DNAH12: variants seen among roughly 807,000 people sequenced by gnomAD.
DNAH12 encodes the protein dynein axonemal heavy chain 12, also known as axonemal beta dynein heavy chain 12.
A neutral mutation model predicts 371.5 loss-of-function variants in DNAH12; 285 were observed. That is an observed-to-expected ratio of 0.77 (90% confidence interval 0.70 to 0.85). DNAH12 has a LOEUF of 0.85. Among genes scored for constraint, DNAH12 ranks in the 40% least tolerant of loss-of-function variants. DNAH12 has a pLI of 0.00. For synonymous variants in DNAH12, 1,200 were observed against 1,213.0 expected (o/e 0.99, Z 0.22); for missense variants, 3,611 against 3,689.4 (o/e 0.98, Z 0.55).
At chr3:57,425,903 A>G (rs191168027) in intron 34 of DNAH12, among the ~76,000 whole-genome samples, 13 of 152,320 alleles carry the variant, frequency 8.5e-5, no homozygotes, top group Non-Finnish European at 1.9e-4. Flanking sequence ...TAAATAGACA[A>G]AAATAATATG....
chr3:57,366,965 T>G (rs2063064083), intron 56 of DNAH12, 44 bp from the exon 57 acceptor site: 1 of 152,244 alleles, frequency 6.6e-6, no homozygotes, highest in Non-Finnish European at 1.5e-5. Flanking sequence ...GCTAGTTACA[T>G]AGCCCCTCAT....
intron 4 of DNAH12, among the ~76,000 whole-genome samples, chr3:57,511,604 G>T (rs116391249): frequency 0.023 from 3,553 of 152,128 alleles, 64 homozygotes; most frequent in Middle Eastern, 0.034. Context: ...AGTTCATGTG[G>T]AAAAATAAAC....
chr3:57,336,241 T>C (rs1178228864), intron 60 of DNAH12, among the ~76,000 whole-genome samples: 2 of 152,174 alleles, frequency 1.3e-5, no homozygotes, highest in African/African-American at 4.8e-5. Context: ...ATGTCCAGCA[T>C]TTACCAATAT....
chr3:57,506,524 C>T (rs935432521), intron 8 of DNAH12, among the ~76,000 whole-genome samples: 3 of 152,124 alleles, frequency 2.0e-5, no homozygotes, highest in East Asian at 1.9e-4. Flanking sequence ...TCACCACAAC[C>T]TCCGCCTCTC....
the DNAH12 span, among the ~76,000 whole-genome samples, chr3:57,553,941 C>T: frequency 4.0e-4 from 60 of 151,292 alleles, 2 homozygotes; most frequent in East Asian, 9.4e-3. Flanking sequence ...TGTCCTGCCT[C>T]GGCCTCCTGA....
intron 4 of DNAH12, among the ~76,000 whole-genome samples, chr3:57,522,605 A>C (rs1164985299): frequency 3.3e-5 from 5 of 152,196 alleles, no homozygotes; most frequent in Non-Finnish European, 7.3e-5. Context: ...TTTCTTCCAA[A>C]TATCCTGAAT....
intron 30 of DNAH12, 81 bp downstream of exon 30, chr3:57,436,869 CA>C (rs1382006805): frequency 9.7e-7 from 1 of 1,032,446 alleles, no homozygotes; most frequent in Non-Finnish European, 1.3e-6. Context: ...ATCAGTTTGC[CA>C]AGTCTTTGGT....
rs1025856370 is a variant in DNAH12 at position 57,462,510 on chromosome 3, C to T, written c.2535+180G>A. ...CAGGTGATCCACATGTCTCGGCCTCCCACAGTGCTAGGATTACAGATGTGA... is the reference window on the plus strand; with the variant it reads ...CAGGTGATCCACATGTCTCGGCCTCTCACAGTGCTAGGATTACAGATGTGA... On this transcript the variant is annotated intron_variant, in intron 18 of 73. Coordinates refer to ENST00000495027, the MANE Select transcript of DNAH12 (RefSeq NM_001366028.2). Among the ~76,000 whole-genome samples, 8 of 152,082 alleles carry T rather than the reference C, an allele frequency of 5.3e-5. No homozygotes were observed. The East Asian group carries it at 1.5e-3, about 29-fold the overall frequency.
At chr3:57,521,335 A>G (rs2068433168) in intron 4 of DNAH12, among the ~76,000 whole-genome samples, 1 of 151,808 alleles carries the variant, frequency 6.6e-6, no homozygotes, top group Non-Finnish European at 1.5e-5. Flanking sequence ...TTCATTGAAA[A>G]GACTATTCTT....
intron 43 of DNAH12, among the ~76,000 whole-genome samples, chr3:57,397,426 A>C (rs1404698317): frequency 1.3e-5 from 2 of 152,192 alleles, no homozygotes; most frequent in African/African-American, 4.8e-5. Flanking sequence ...CTCCTTCCTC[A>C]GGACAGAAGA....
At chr3:57,370,352 G>C (rs917580058) in intron 55 of DNAH12, among the ~76,000 whole-genome samples, 3 of 152,174 alleles carry the variant, frequency 2.0e-5, no homozygotes, top group Admixed American at 6.5e-5. Context: ...GCACTTATGT[G>C]CTAAGTGCTT....
intron 49 of DNAH12, among the ~76,000 whole-genome samples, chr3:57,382,638 A>T (rs2063417722): frequency 6.6e-6 from 1 of 152,142 alleles, no homozygotes; most frequent in Admixed American, 6.6e-5. Context: ...ATGAGAATAT[A>T]ATGGCAGCTA....
At chr3:57,444,869 C>A in intron 28 of DNAH12, 53 bp from the exon 29 acceptor site, 1 of 1,517,502 alleles carries the variant, frequency 6.6e-7, no homozygotes, top group Non-Finnish European at 8.8e-7. Context: ...AATTGCAACC[C>A]CACTTCTCCC....
intron 25 of DNAH12, among the ~76,000 whole-genome samples, chr3:57,448,260 G>GAT (rs2065595856): frequency 6.6e-6 from 1 of 152,098 alleles, no homozygotes; most frequent in Admixed American, 6.5e-5. Flanking sequence ...TCTTCCTTCT[G>GAT]GTGGGTTCGT....
In DNAH12 at chr3:57,405,746, T is replaced by C. The variant is rs2064004711; in HGVS notation, c.6483A>G (p.Arg2161=). ...CAGTTTTAGTTAACTGGAACAGCCATCTTCGATCATCATCATTAATGAGGC... is the reference window on the plus strand; with the variant it reads ...CAGTTTTAGTTAACTGGAACAGCCACCTTCGATCATCATCATTAATGAGGC... ...YDRLINDDDR[R]WLFQLTKTVI... Residue 2161 remains arginine, a synonymous_variant, in exon 41 of 74, where the codon AGA becomes AGG. Transcript: ENST00000495027. 4 of 1,551,576 alleles carry C rather than the reference T, an allele frequency of 2.6e-6. No individual in the cohort carries two copies. The highest frequency in any genetic ancestry group is 1.4e-5 in the African/African-American group (1 of 73,042).
chr3:57,488,163 G>T (rs367985994), intron 12 of DNAH12, among the ~76,000 whole-genome samples: 1 of 151,928 alleles, frequency 6.6e-6, no homozygotes. Flanking sequence ...TTAGTCCTGC[G>T]AGGAAGGTAC....
At chr3:57,504,356 G>GTATA in intron 8 of DNAH12, 152 bp from the exon 9 acceptor site, 1 of 642,460 alleles carries the variant, frequency 1.6e-6, no homozygotes, top group South Asian at 2.3e-5. Context: ...TCTTCATTCA[G>GTATA]CATACTATAT....
chr3:57,325,097 C>T (rs917790134), intron 62 of DNAH12, among the ~76,000 whole-genome samples: 2 of 152,252 alleles, frequency 1.3e-5, no homozygotes, highest in Non-Finnish European at 2.9e-5. Context: ...CCCACCACAG[C>T]TCAAGGAGGC....
At chr3:57,553,807 A>C in the DNAH12 span, among the ~76,000 whole-genome samples, 1 of 152,088 alleles carries the variant, frequency 6.6e-6, no homozygotes, top group Non-Finnish European at 1.5e-5. Context: ...AAAATGTCTA[A>C]ATTAAATTCT....
Sources: allele counts gnomAD v4.1 joint callset (sites outside exome capture counted in the v4.1 genomes callset), GRCh38; gene constraint gnomAD v4.1.1; transcripts MANE v1.5; gene names NCBI Gene and HGNC (gene_info 2026-07-23, HGNC 2026-07-21).